Variants in COMT observed in about 807,000 individuals in gnomAD.
The protein encoded by COMT is catechol O-methyltransferase.
Under a neutral mutation model 18.9 loss-of-function variants are expected in COMT, and 13 were observed. The observed-to-expected ratio is 0.69, with a 90% CI of 0.45 to 1.09. COMT has a LOEUF of 1.09. COMT is among the 50% of genes least tolerant of loss of function. COMT has a pLI of 0.00. For missense variants in COMT, 329 were observed against 361.8 expected, an observed-to-expected ratio of 0.91 and a Z score of 0.73; for synonymous variants, 150 against 160.9, an observed-to-expected ratio of 0.93 and a Z score of 0.51.
At chr22:19,948,945 A>G (rs1043714888) in intron 1 of COMT, among the ~76,000 whole-genome samples, 4 of 121,150 alleles carry the variant, frequency 3.3e-5, no homozygotes, top group South Asian at 3.0e-4. Flanking sequence ...ACAGAGCGAG[A>G]CTCTGTCTCA....
At chr22:19,952,390 A>G (rs996866926) in intron 1 of COMT, among the ~76,000 whole-genome samples, 1 of 152,196 alleles carries the variant, frequency 6.6e-6, no homozygotes, top group Admixed American at 6.5e-5. Context: ...CTGTAATCCC[A>G]GCACTTTGGG....
intron 1 of COMT, among the ~76,000 whole-genome samples, chr22:19,953,716 G>C (rs1205974451): frequency 6.6e-6 from 1 of 152,102 alleles, no homozygotes; most frequent in African/African-American, 2.4e-5. Context: ...GCATGTCCAG[G>C]CCCTTTCTGC....
At chr22:19,963,489 G>C (rs1942251208) in intron 3 of COMT, 77 bp from the exon 4 acceptor site, 5 of 1,525,094 alleles carry the variant, frequency 3.3e-6, no homozygotes, top group East Asian at 2.3e-5. Context: ...TGGGAGAGGT[G>C]GGGGGCCGTG....
chr22:19,950,467 T>C (rs1941912417), intron 1 of COMT, among the ~76,000 whole-genome samples: 1 of 152,184 alleles, frequency 6.6e-6, no homozygotes, highest in Non-Finnish European at 1.5e-5. Flanking sequence ...GAAGGCTTTC[T>C]ACCTGTATTT....
intron 1 of COMT, among the ~76,000 whole-genome samples, chr22:19,959,690 C>A (rs1198224794): frequency 2.0e-5 from 3 of 152,232 alleles, no homozygotes; most frequent in African/African-American, 7.2e-5. Flanking sequence ...TCTCCTCTGG[C>A]GGTTGCTGGA....
At chr22:19,944,881 G>T (rs544004122) in intron 1 of COMT, among the ~76,000 whole-genome samples, 1 of 152,194 alleles carries the variant, frequency 6.6e-6, no homozygotes, top group East Asian at 1.9e-4. Flanking sequence ...ACTAGGATCT[G>T]ATAACTCCCA....
intron 1 of COMT, among the ~76,000 whole-genome samples, chr22:19,960,122 T>G (rs1269530740): frequency 1.3e-5 from 2 of 152,256 alleles, no homozygotes; most frequent in Non-Finnish European, 2.9e-5. Flanking sequence ...GATTAGAGAT[T>G]CAAAAGCCAA....
At chr22:19,960,666 C>T (rs1942173051) in intron 1 of COMT, among the ~76,000 whole-genome samples, 1 of 152,172 alleles carries the variant, frequency 6.6e-6, no homozygotes, top group South Asian at 2.1e-4. Flanking sequence ...GACAGGGGCA[C>T]CCCCACTGTC....
chr22:19,960,097 A>G (rs1389324278), intron 1 of COMT, among the ~76,000 whole-genome samples: 2 of 152,232 alleles, frequency 1.3e-5, no homozygotes, highest in African/African-American at 4.8e-5. Flanking sequence ...AGATTTATGA[A>G]CAGACAGACC....
chr22:19,953,375 C>A (rs142426081), intron 1 of COMT, among the ~76,000 whole-genome samples: 11 of 152,164 alleles, frequency 7.2e-5, no homozygotes, highest in African/African-American at 2.7e-4. Flanking sequence ...ACTGCAACAA[C>A]CTCCACCTCC....
At chr22:19,948,627 T>G (rs1449667966) in intron 1 of COMT, among the ~76,000 whole-genome samples, 1 of 152,124 alleles carries the variant, frequency 6.6e-6, no homozygotes, top group African/African-American at 2.4e-5. Context: ...ACCACTGCAC[T>G]CCAGCCTCAG....
At chr22:19,964,399 G>A in intron 5 of COMT, 100 bp downstream of exon 5, 1 of 1,544,630 alleles carries the variant, frequency 6.5e-7, no homozygotes, top group African/African-American at 1.4e-5. Context: ...GTAGAGCCCT[G>A]TGTGGACACA....
chr22:19,964,357 G>C, intron 5 of COMT, 58 bp downstream of exon 5: 1 of 1,612,450 alleles, frequency 6.2e-7, no homozygotes, highest in Non-Finnish European at 8.5e-7. Flanking sequence ...CATTCAGTCA[G>C]CCTCAGCCTC....
chr22:19,942,632 T>C (rs976111693), intron 1 of COMT, among the ~76,000 whole-genome samples: 1 of 151,884 alleles, frequency 6.6e-6, no homozygotes, highest in African/African-American at 2.4e-5. Flanking sequence ...TTGTTTAAAG[T>C]GACCCTCCAA....
chr22:19,943,872 G>A (rs896509303), intron 1 of COMT, among the ~76,000 whole-genome samples: 3 of 145,770 alleles, frequency 2.1e-5, no homozygotes, highest in Middle Eastern at 3.5e-3. Flanking sequence ...GTTACTTTCT[G>A]GAGAGAGCAT....
rs1217060353 is a variant in COMT at position 19,964,365 on chromosome 22, C to G, written c.615+66C>G. 2.5e-6 allele frequency: 4 copies of G among 1,610,416 alleles called. No individual in the cohort carries two copies. The South Asian group carries it at 4.4e-5, about 18-fold the overall frequency. On this transcript the variant is annotated intron_variant, in intron 5 of 5. Coordinates refer to ENST00000361682, the MANE Select transcript of COMT (RefSeq NM_000754.4). ...CAGAGCCCATTCAGTCAGCCTCAGC[C>G]TCTCCAAAGAGCCAGGCATTCCAGT...
Position 19,946,370 on chromosome 22 carries a change from C to T in COMT, c.-92+4473C>T, listed in dbSNP as rs574751476. ...AGTTGTGGTAGCAGACGCCTGTAAT[C>T]CCAACTACTCGGGAGGCTGAAGTGG... On this transcript the variant is annotated intron_variant, in intron 1 of 5. Coordinates refer to ENST00000361682, the MANE Select transcript of COMT (RefSeq NM_000754.4). Among the ~76,000 whole-genome samples, 3 of 152,188 alleles carry T rather than the reference C, an allele frequency of 2.0e-5. No homozygotes were observed. In the South Asian group the frequency reaches 6.2e-4, roughly 32 times the overall value.
chr22:19,968,448 G>A, intron 5 of COMT, 88 bp from the exon 6 acceptor site: 2 of 1,306,176 alleles, frequency 1.5e-6, no homozygotes, highest in East Asian at 2.5e-5. Flanking sequence ...TGGTGCCGTG[G>A]CCTAGTGAGG....
At chr22:19,968,096 C>G (rs572894585) in intron 5 of COMT, among the ~76,000 whole-genome samples, 1 of 152,318 alleles carries the variant, frequency 6.6e-6, no homozygotes, top group South Asian at 2.1e-4. Flanking sequence ...CTCAGCCCTG[C>G]AGGGTCACCC....
Sources: allele counts gnomAD v4.1 joint callset (sites outside exome capture counted in the v4.1 genomes callset), GRCh38; gene constraint gnomAD v4.1.1; transcripts MANE v1.5; gene names NCBI Gene and HGNC (gene_info 2026-07-23, HGNC 2026-07-21).